The following GLIS3 variants were observed in gnomAD, a reference collection of about 807,000 sequenced individuals.
GLIS3 encodes GLIS family zinc finger 3.
In GLIS3, 53 loss-of-function variants were observed where a neutral mutation model predicts 78.6. That is an observed-to-expected ratio of 0.67 (90% CI 0.54 to 0.85). The LOEUF is 0.85. Ranked by LOEUF, GLIS3 falls within the 40% of genes least tolerant of loss-of-function variation. The probability of loss-of-function intolerance (pLI) is 0.00; values close to 1 mark genes in which losing one functional copy is unlikely to be tolerated. For missense variants in GLIS3, 1,703 were observed against 1,231.1 expected (o/e 1.38, Z -5.74); for synonymous variants, 684 against 509.9 (o/e 1.34, Z -4.60).
intron 2 of GLIS3, among the ~76,000 whole-genome samples, chr9:4,334,161 T>C (rs73641432): frequency 0.09 from 13,679 of 152,156 alleles, 1,371 homozygotes; most frequent in African/African-American, 0.24. Context: ...ATTTAGGTAA[T>C]AGGAATTGAT....
At chr9:4,484,707 G>A in the GLIS3 span, among the ~76,000 whole-genome samples, 1 of 152,148 alleles carries the variant, frequency 6.6e-6, no homozygotes, top group South Asian at 2.1e-4. Context: ...GTGAGCCACT[G>A]TGCCCAGTGT....
chr9:3,893,457 G>C (rs1156570515), intron 7 of GLIS3, among the ~76,000 whole-genome samples: 2 of 152,166 alleles, frequency 1.3e-5, no homozygotes, highest in African/African-American at 2.4e-5. Flanking sequence ...CTTCAGCTGA[G>C]TGGTTATAAG....
intron 4 of GLIS3, among the ~76,000 whole-genome samples, chr9:4,022,008 A>G (rs180869121): frequency 4.9e-4 from 74 of 152,306 alleles, no homozygotes; most frequent in African/African-American, 1.8e-3. Context: ...TTAGTCTCCA[A>G]AGCACTTAGG....
intron 4 of GLIS3, among the ~76,000 whole-genome samples, chr9:4,087,816 G>A (rs1230682813): frequency 6.6e-6 from 1 of 152,126 alleles, no homozygotes. Context: ...CTTCCTCCAT[G>A]AAGCCTTCAG....
At position 4,122,080 on chromosome 9, in the gene GLIS3, T is replaced by C. The variant is rs1323075825; in HGVS notation, c.597-3199A>G. Among the ~76,000 whole-genome samples the C allele has an allele frequency of 3.3e-5, 5 of 152,108 alleles. No individual in the cohort carries two copies. The East Asian group carries it at 9.6e-4, about 29-fold the overall frequency. On this transcript the variant is annotated intron_variant, in intron 3 of 10. Transcript: ENST00000381971. ...GAAAGGAGATATATCTTGAACAAAA[T>C]AAAACTAATAGGAAAACTCAGAAAC...
chr9:4,474,847 C>A, the GLIS3 span, among the ~76,000 whole-genome samples: 1 of 151,746 alleles, frequency 6.6e-6, no homozygotes, highest in Non-Finnish European at 1.5e-5. Context: ...CATGCACCTG[C>A]CACCACACCC....
chr9:4,148,756 T>C (rs1046903594), intron 2 of GLIS3, among the ~76,000 whole-genome samples: 2 of 152,084 alleles, frequency 1.3e-5, no homozygotes, highest in African/African-American at 2.4e-5. Context: ...GAGGGTGGGA[T>C]TGTATAATTT....
intron 4 of GLIS3, among the ~76,000 whole-genome samples, chr9:3,971,886 G>T (rs1197647141): frequency 1.3e-5 from 2 of 152,110 alleles, no homozygotes; most frequent in Non-Finnish European, 2.9e-5. Context: ...GTCAGCAATG[G>T]CACTGGAGGC....
the GLIS3 span, among the ~76,000 whole-genome samples, chr9:4,363,287 G>A: frequency 6.6e-6 from 1 of 152,162 alleles, no homozygotes; most frequent in Non-Finnish European, 1.5e-5. Context: ...GCCAGGTGTG[G>A]TGGCACATGC....
the GLIS3 span, among the ~76,000 whole-genome samples, chr9:4,397,683 AGGGAGGGAGGGAGGGAGGGAGGAAGGC>A: frequency 4.6e-4 from 2 of 4,338 alleles, no homozygotes; most frequent in East Asian, 0.026. Context: ...GGAGGAAGGG[AGGGAGGGAGGGAGGGAGGGAGGAAGGC>A]AGGGAGGGAG....
chr9:4,451,209 A>G, the GLIS3 span, among the ~76,000 whole-genome samples: 1 of 152,232 alleles, frequency 6.6e-6, no homozygotes, highest in Non-Finnish European at 1.5e-5. Context: ...CTAGTCTCTG[A>G]TAAAACAGAC....
chr9:3,965,661 A>G (rs1379123395), intron 4 of GLIS3, among the ~76,000 whole-genome samples: 1 of 152,208 alleles, frequency 6.6e-6, no homozygotes, highest in Non-Finnish European at 1.5e-5. Flanking sequence ...GTGCAGCAGA[A>G]GGAGTGGAAG....
At chr9:4,327,286 G>T (rs1175884338) in intron 2 of GLIS3, among the ~76,000 whole-genome samples, 1 of 152,194 alleles carries the variant, frequency 6.6e-6, no homozygotes, top group South Asian at 2.1e-4. Flanking sequence ...GAGGACAGAT[G>T]TCAGGGTGTA....
chr9:4,105,113 G>A (rs1344273682), intron 4 of GLIS3, among the ~76,000 whole-genome samples: 1 of 152,150 alleles, frequency 6.6e-6, no homozygotes, highest in Admixed American at 6.6e-5. Context: ...TTTTCCTTAT[G>A]AAGACAATTT....
Position 4,288,115 on chromosome 9 carries a change from C to T in GLIS3, c.-98-1592G>A, listed in dbSNP as rs560792757. Among the ~76,000 whole-genome samples the T allele has an allele frequency of 5.6e-4, 86 of 152,288 alleles. No homozygotes were observed. The Middle Eastern group carries it at 0.01, about 18-fold the overall frequency. On this transcript the variant is annotated intron_variant, in intron 1 of 10. Transcript: ENST00000381971. ...TTCTTACATTGGTAAAATTCCAATG[C>T]TTTTTATGGTACATTTATGTAGGAG...
chr9:4,399,812 G>A, the GLIS3 span, among the ~76,000 whole-genome samples: 1 of 152,186 alleles, frequency 6.6e-6, no homozygotes, highest in Non-Finnish European at 1.5e-5. Flanking sequence ...CCAGCCTTGG[G>A]CATGAGGTTA....
chr9:4,028,404 C>A (rs1823529074), intron 4 of GLIS3, among the ~76,000 whole-genome samples: 1 of 152,164 alleles, frequency 6.6e-6, no homozygotes. Flanking sequence ...TTCCCATTTT[C>A]TCAAATCACG....
intron 7 of GLIS3, among the ~76,000 whole-genome samples, chr9:3,891,926 T>G (rs1822482239): frequency 6.6e-6 from 1 of 152,184 alleles, no homozygotes; most frequent in African/African-American, 2.4e-5. Context: ...CTATGCACGT[T>G]GATGAGACTT....
chr9:4,120,540 G>A (rs1318016602), intron 3 of GLIS3, among the ~76,000 whole-genome samples: 1 of 152,180 alleles, frequency 6.6e-6, no homozygotes, highest in Non-Finnish European at 1.5e-5. Flanking sequence ...TCTTCCTGCA[G>A]AGCTCAGCTG....
Sources: gnomAD v4.1 joint callset for allele counts (sites outside exome capture counted in the v4.1 genomes callset) on GRCh38, gnomAD v4.1.1 for gene constraint, MANE v1.5 for transcripts, NCBI Gene and HGNC (gene_info 2026-07-23, HGNC 2026-07-21) for gene names.